TTBK2: variants seen among roughly 807,000 people sequenced by gnomAD.
The protein encoded by TTBK2 is tau tubulin kinase 2.
TTBK2 carries 28 observed loss-of-function variants against 110.8 expected under a neutral mutation model. The observed-to-expected ratio is 0.25, with a 90% CI of 0.19 to 0.35. TTBK2 has a LOEUF of 0.35. Among genes scored for constraint, TTBK2 ranks in the 10% least tolerant of loss-of-function variants. The pLI is 1.00. For synonymous variants in TTBK2, 532 were observed against 527.3 expected (o/e 1.01, Z -0.12); for missense variants, 1,369 against 1,500.3 (o/e 0.91, Z 1.45).
At chr15:42,813,628 T>C (rs1266666750) in intron 7 of TTBK2, among the ~76,000 whole-genome samples, 2 of 152,112 alleles carry the variant, frequency 1.3e-5, no homozygotes, top group East Asian at 3.9e-4. Flanking sequence ...GTGGATTGCC[T>C]GAGCTCAGGA....
chr15:42,769,692 A>T (rs1395463684), intron 13 of TTBK2, among the ~76,000 whole-genome samples: 1 of 152,192 alleles, frequency 6.6e-6, no homozygotes, highest in Non-Finnish European at 1.5e-5. Flanking sequence ...ATTGTAGAAG[A>T]CAGTGTGGCG....
intron 14 of TTBK2, among the ~76,000 whole-genome samples, chr15:42,751,562 C>T (rs2061866222): frequency 1.3e-5 from 2 of 152,244 alleles, no homozygotes; most frequent in South Asian, 4.1e-4. Flanking sequence ...CATAGCGAAA[C>T]CCTGTCTCTA....
chr15:42,817,664 T>C (rs1413286511), intron 6 of TTBK2, among the ~76,000 whole-genome samples: 2 of 152,196 alleles, frequency 1.3e-5, no homozygotes, highest in East Asian at 3.8e-4. Context: ...ACATGAAAAA[T>C]ACATGATCCT....
intron 1 of TTBK2, among the ~76,000 whole-genome samples, chr15:42,914,413 A>G (rs545731491): frequency 6.6e-6 from 1 of 152,310 alleles, no homozygotes; most frequent in Non-Finnish European, 1.5e-5. Context: ...GAGACACTAT[A>G]GCCATCTACT....
At chr15:42,867,720 T>C (rs1449871314) in intron 3 of TTBK2, among the ~76,000 whole-genome samples, 1 of 152,208 alleles carries the variant, frequency 6.6e-6, no homozygotes. Flanking sequence ...GGAACTCTCA[T>C]TCATGAGCTG....
At chr15:42,840,214 G>A in intron 4 of TTBK2, 146 bp downstream of exon 4, 1 of 770,944 alleles carries the variant, frequency 1.3e-6, no homozygotes, top group Non-Finnish European at 2.3e-6. Context: ...TCTGTATCAA[G>A]TCTGTTTAAA....
chr15:42,802,429 C>G (rs1416014375), intron 9 of TTBK2: 4 of 717,452 alleles, frequency 5.6e-6, no homozygotes, highest in African/African-American at 3.5e-5. Context: ...CGGGCCGAAC[C>G]AGACGGAATC....
rs540774312 is a variant in TTBK2 at position 42,830,359 on chromosome 15, T to A, written c.292-281A>T. The stretch of plus-strand genomic sequence containing the variant: ...CATGCCATCATGCCCAGCAAATTTT[T>A]CTATTTTTAGTAGAGACAGGGTTTC... On this transcript the variant is annotated intron_variant, in intron 4 of 14. Coordinates refer to ENST00000267890, the MANE Select transcript of TTBK2 (RefSeq NM_173500.4). Among the ~76,000 whole-genome samples the A allele has an allele frequency of 9.2e-5, 14 of 152,160 alleles. No homozygotes were observed. In the East Asian group the frequency reaches 2.1e-3, roughly 23 times the overall value.
At chr15:42,750,007 G>C (rs959892728) in intron 14 of TTBK2, among the ~76,000 whole-genome samples, 1 of 152,072 alleles carries the variant, frequency 6.6e-6, no homozygotes, top group Non-Finnish European at 1.5e-5. Flanking sequence ...GATCACTTGA[G>C]CCCAGGAGTT....
intron 11 of TTBK2, among the ~76,000 whole-genome samples, chr15:42,780,189 CT>C (rs892670301): frequency 0.23 from 23,383 of 100,766 alleles, 2,974 homozygotes; most frequent in African/African-American, 0.42. Context: ...GCCCGGCTAA[CT>C]TTTTTTTTTT....
chr15:42,814,240 T>A (rs959199196), intron 7 of TTBK2, among the ~76,000 whole-genome samples: 4 of 152,148 alleles, frequency 2.6e-5, no homozygotes, highest in Non-Finnish European at 5.9e-5. Context: ...CAGGCTCAAG[T>A]GTTTTTAAAA....
chr15:42,752,581 A>G lies in TTBK2; in HGVS notation c.2665T>C (p.Leu889=). ...GAGAGGTCTCCTTGATGACCTGGCA[A>G]GTCTTCACTCATGATGTCATCATCC... ...SKDDDIMSED[L]PGHQGDLSTF... Residue 889 remains leucine, a synonymous_variant, in exon 14 of 15, where the codon TTG becomes CTG. Coordinates refer to ENST00000267890, the MANE Select transcript of TTBK2 (RefSeq NM_173500.4). The G allele has an allele frequency of 6.2e-7, 1 of 1,614,180 alleles. No individual in the cohort carries two copies. Among genetic ancestry groups the G allele is most frequent in the Non-Finnish European group, 8.5e-7 (1 of 1,180,040 alleles).
chr15:42,794,934 C>A lies in TTBK2; in HGVS notation c.823-133G>T, dbSNP rs376260940. The A allele has an allele frequency of 5.3e-6, 6 of 1,126,672 alleles. No homozygotes were observed. The Admixed American group carries it at 6.0e-5, about 11-fold the overall frequency. The allele number at this position is 1,126,672 out of a possible 1,614,324, so 69.8% of individuals were successfully genotyped here. On this transcript the variant is annotated intron_variant, in intron 9 of 14. Transcript: ENST00000267890. ...CTTTAAAAACTGATGGCTCAAATTG[C>A]GAAATTTGAATAGGAACTATATGTA...
At chr15:42,831,536 C>A (rs1434110363) in intron 4 of TTBK2, among the ~76,000 whole-genome samples, 1 of 152,128 alleles carries the variant, frequency 6.6e-6, no homozygotes, top group East Asian at 1.9e-4. Context: ...CTTCACAGTA[C>A]CCTAAATAGA....
chr15:42,894,099 C>G (rs1895575917), intron 1 of TTBK2, among the ~76,000 whole-genome samples: 1 of 152,162 alleles, frequency 6.6e-6, no homozygotes, highest in Non-Finnish European at 1.5e-5. Context: ...GTGAGTGAGT[C>G]TCATGAGATC....
intron 13 of TTBK2, among the ~76,000 whole-genome samples, chr15:42,755,011 G>GGA (rs2061927608): frequency 1.4e-5 from 1 of 69,848 alleles, no homozygotes; most frequent in African/African-American, 6.2e-5. Context: ...TCCATCTCAG[G>GGA]AAAAAAAAAA....
chr15:42,824,533 T>C (rs1892446230), intron 6 of TTBK2, among the ~76,000 whole-genome samples: 1 of 152,034 alleles, frequency 6.6e-6, no homozygotes, highest in Admixed American at 6.6e-5. Context: ...CAAAGAAAAA[T>C]ATAAAAAATG....
At chr15:42,834,118 G>T (rs1350590449) in intron 4 of TTBK2, among the ~76,000 whole-genome samples, 2 of 149,032 alleles carry the variant, frequency 1.3e-5, no homozygotes, top group African/African-American at 5.0e-5. Flanking sequence ...CTTGACCCCA[G>T]GAGGTAGAGG....
In TTBK2 at chr15:42,827,788, C is replaced by T. The variant is rs972733539; in HGVS notation, c.537+140G>A. On this transcript the variant is annotated intron_variant, in intron 6 of 14. Coordinates refer to ENST00000267890, the MANE Select transcript of TTBK2 (RefSeq NM_173500.4). ...TTCAACAATAAAATTTATTGTCATT[C>T]TATAATTTAATCATTAAATGTATAT... 2.5e-5 allele frequency: 18 copies of T among 721,342 alleles called. No homozygotes were observed. The Admixed American group carries it at 3.4e-4, about 14-fold the overall frequency. The allele number at this position is 721,342 out of a possible 1,614,324, so 44.7% of individuals were successfully genotyped here. A position where few individuals can be genotyped will look rare whatever the true frequency, so the allele number is the denominator to read the frequency against.
Sources: allele counts gnomAD v4.1 joint callset (sites outside exome capture counted in the v4.1 genomes callset), GRCh38; gene constraint gnomAD v4.1.1; transcripts MANE v1.5; gene names NCBI Gene and HGNC (gene_info 2026-07-23, HGNC 2026-07-21).